The following CNTNAP2 variants were observed in gnomAD, a reference collection of about 807,000 sequenced individuals.
CNTNAP2 encodes the protein contactin associated protein 2.
A neutral mutation model predicts 155.2 loss-of-function variants in CNTNAP2; 98 were observed. The ratio of observed to expected loss-of-function variants is 0.63; its 90% confidence interval spans 0.54 to 0.75. The LOEUF (loss-of-function observed/expected upper bound fraction) is 0.75. CNTNAP2 is among the 30% of genes least tolerant of loss of function. The probability of loss-of-function intolerance (pLI) is 0.00; values close to 1 mark genes in which losing one functional copy is unlikely to be tolerated. For missense variants in CNTNAP2, 1,727 were observed against 1,688.1 expected (o/e 1.02, Z -0.40); for synonymous variants, 651 against 631.2 (o/e 1.03, Z -0.47).
At chr7:147,345,252 T>A (rs1193597808) in intron 9 of CNTNAP2, among the ~76,000 whole-genome samples, 3 of 152,208 alleles carry the variant, frequency 2.0e-5, no homozygotes, top group Non-Finnish European at 4.4e-5. Flanking sequence ...TCATGTTTAC[T>A]TTTATTTGTA....
intron 8 of CNTNAP2, among the ~76,000 whole-genome samples, chr7:147,258,315 C>T (rs1804376307): frequency 6.6e-6 from 1 of 152,106 alleles, no homozygotes; most frequent in African/African-American, 2.4e-5. Flanking sequence ...GAGTAATTAG[C>T]ATATCCAGCA....
At position 147,527,015 on chromosome 7, in the gene CNTNAP2, C is replaced by CTTTTTTTTTTTTTTTTT. The variant is rs888976222; in HGVS notation, c.1778-35112_1778-35096dup. On this transcript the variant is annotated intron_variant, in intron 11 of 23. Transcript: ENST00000361727. ...CATGAATTATGGAAGACAGGCATTTCTTTTTTTTTTTTTTTTTTTTTTTTT... is the reference window on the plus strand; with the variant it reads ...CATGAATTATGGAAGACAGGCATTTCTTTTTTTTTTTTTTTTTTTTTTTTTTTTTTTTTTTTTTTTTT... 1.2e-3 allele frequency among the ~76,000 whole-genome samples: 75 copies of CTTTTTTTTTTTTTTTTT among 65,166 alleles called. 13 individuals are homozygous for CTTTTTTTTTTTTTTTTT. The highest frequency in any genetic ancestry group is 5.7e-3 in the African/African-American group (73 of 12,766). The allele number at this position is 65,166 out of a possible 152,430, so 42.8% of individuals were successfully genotyped here. A position where few individuals can be genotyped will look rare whatever the true frequency, so the allele number is the denominator to read the frequency against.
At chr7:146,327,129 T>G (rs957865039) in intron 1 of CNTNAP2, among the ~76,000 whole-genome samples, 2 of 152,168 alleles carry the variant, frequency 1.3e-5, no homozygotes, top group South Asian at 2.1e-4. Flanking sequence ...TTTCACTAAT[T>G]CCCTAAACTT....
chr7:146,277,444 AAC>A (rs1324605371), intron 1 of CNTNAP2, among the ~76,000 whole-genome samples: 2 of 152,198 alleles, frequency 1.3e-5, no homozygotes, highest in Non-Finnish European at 2.9e-5. Flanking sequence ...GTAGGGAAAT[AAC>A]ACAGTCTGGA....
At chr7:148,288,244 C>A (rs376371668) in intron 21 of CNTNAP2, among the ~76,000 whole-genome samples, 1 of 151,756 alleles carries the variant, frequency 6.6e-6, no homozygotes, top group Non-Finnish European at 1.5e-5. Context: ...GGATTACAGG[C>A]GCCCACCACC....
At chr7:146,563,955 A>T (rs1340783483) in intron 1 of CNTNAP2, among the ~76,000 whole-genome samples, 1 of 152,112 alleles carries the variant, frequency 6.6e-6, no homozygotes, top group African/African-American at 2.4e-5. Context: ...GGGCCCAGAG[A>T]TATTGCTGAG....
intron 15 of CNTNAP2, among the ~76,000 whole-genome samples, chr7:148,049,654 G>C (rs1347205264): frequency 6.6e-6 from 1 of 152,102 alleles, no homozygotes; most frequent in African/African-American, 2.4e-5. Context: ...CTGTTGTTAA[G>C]GTCCTATCAC....
intron 1 of CNTNAP2, among the ~76,000 whole-genome samples, chr7:146,253,067 C>T (rs894508632): frequency 2.2e-4 from 33 of 152,106 alleles, no homozygotes; most frequent in African/African-American, 8.0e-4. Context: ...TTTTATGAGC[C>T]ACCACAATAC....
rs141595729 is a variant in CNTNAP2 at position 147,166,863 on chromosome 7, C to T, written c.1348+34354C>T. On this transcript the variant is annotated intron_variant, in intron 8 of 23. Coordinates refer to ENST00000361727, the MANE Select transcript of CNTNAP2 (RefSeq NM_014141.6). ...ACAGGAACGGCCATCTGGATGTGTA[C>T]ATGCAGGTCACAGGGGATATGATGG... Among the ~76,000 whole-genome samples, 481 of 152,190 alleles carry T rather than the reference C, an allele frequency of 3.2e-3. 8 individuals are homozygous for T. Among genetic ancestry groups the T allele is most frequent in the African/African-American group, 0.01 (433 of 41,512 alleles).
At chr7:148,079,921 A>C (rs886118664) in intron 15 of CNTNAP2, among the ~76,000 whole-genome samples, 8 of 152,156 alleles carry the variant, frequency 5.3e-5, no homozygotes, top group Non-Finnish European at 1.2e-4. Context: ...CTGAGAGGAG[A>C]GGCCAATTCA....
At chr7:147,730,315 G>A (rs1002073087) in intron 13 of CNTNAP2, among the ~76,000 whole-genome samples, 1 of 152,022 alleles carries the variant, frequency 6.6e-6, no homozygotes, top group African/African-American at 2.4e-5. Context: ...ACAAATTGAA[G>A]GTTTGTGACA....
chr7:148,119,219 G>C (rs1563205331), intron 16 of CNTNAP2, among the ~76,000 whole-genome samples: 1 of 151,992 alleles, frequency 6.6e-6, no homozygotes, highest in Non-Finnish European at 1.5e-5. Flanking sequence ...CTTACACTCA[G>C]CATATCAAAA....
intron 18 of CNTNAP2, among the ~76,000 whole-genome samples, chr7:148,175,964 A>T (rs1794926603): frequency 6.6e-6 from 1 of 151,892 alleles, no homozygotes; most frequent in South Asian, 2.1e-4. Flanking sequence ...CATATTCCAT[A>T]CCTACTTTCC....
intron 1 of CNTNAP2, among the ~76,000 whole-genome samples, chr7:146,372,932 T>A (rs182340473): frequency 6.6e-6 from 1 of 152,300 alleles, no homozygotes. Flanking sequence ...TGACTACCCA[T>A]CTTCCAGCTG....
chr7:146,781,238 A>AAG (rs1554480117), intron 2 of CNTNAP2, among the ~76,000 whole-genome samples: 4 of 151,474 alleles, frequency 2.6e-5, no homozygotes, highest in African/African-American at 7.3e-5. Flanking sequence ...AAAAAAAAAA[A>AAG]AACAAAAAAA....
chr7:147,366,777 GCA>G (rs1246233524), intron 9 of CNTNAP2, among the ~76,000 whole-genome samples: 4 of 56,926 alleles, frequency 7.0e-5, no homozygotes, highest in Admixed American at 3.3e-4. Flanking sequence ...CGAATTTGTT[GCA>G]CGCACACACA....
At chr7:146,618,581 T>G (rs1189651629) in intron 1 of CNTNAP2, among the ~76,000 whole-genome samples, 1 of 152,150 alleles carries the variant, frequency 6.6e-6, no homozygotes, top group Non-Finnish European at 1.5e-5. Context: ...TAAAATTCAA[T>G]CCTAGGGTAA....
intron 8 of CNTNAP2, among the ~76,000 whole-genome samples, chr7:147,156,345 G>A (rs140331295): frequency 5.1e-4 from 78 of 152,234 alleles, no homozygotes; most frequent in Non-Finnish European, 6.8e-4. Context: ...AGCACCTACC[G>A]TATATGTGGG....
chr7:146,466,687 G>C lies in CNTNAP2; in HGVS notation c.98-307584G>C, dbSNP rs59098821. Among the ~76,000 whole-genome samples the C allele has an allele frequency of 5.5e-3, 830 of 152,232 alleles. 5 individuals carry two copies. The highest frequency in any genetic ancestry group is 0.019 in the African/African-American group (780 of 41,548). ...TAATAAAAGAATAATAGTTTTAAGC[G>C]TAATAAATGACTGAAATTGCTCATA... On this transcript the variant is annotated intron_variant, in intron 1 of 23. Transcript: ENST00000361727.
Sources: gnomAD v4.1 joint callset for allele counts (sites outside exome capture counted in the v4.1 genomes callset) on GRCh38, gnomAD v4.1.1 for gene constraint, MANE v1.5 for transcripts, NCBI Gene and HGNC (gene_info 2026-07-23, HGNC 2026-07-21) for gene names.